The following ABHD16B variants were observed in gnomAD, a reference collection of about 807,000 sequenced individuals.
The protein encoded by ABHD16B is abhydrolase domain containing 16B.
A neutral mutation model predicts 10.5 loss-of-function variants in ABHD16B; 14 were observed. The ratio of observed to expected loss-of-function variants is 1.33; its 90% confidence interval spans 0.88 to 2.08. ABHD16B has a LOEUF of 2.08. Among genes scored for constraint, ABHD16B ranks in the 30% most tolerant of loss-of-function variants. The pLI, the probability that ABHD16B is intolerant of heterozygous loss-of-function variation, is 0.00. For synonymous variants in ABHD16B, 374 were observed against 337.9 expected (o/e 1.11, Z -1.17); for missense variants, 763 against 717.4 (o/e 1.06, Z -0.73).
In ABHD16B at chr20:63,861,680, A is replaced by G. The variant is rs1433867137; in HGVS notation, c.140A>G (p.His47Arg). ...CGCGCCGTGGGCCGGAGCAGCAGCC[A>G]CCGGGCGCTGACCTGCGCGGCAGCC... ...DVRAVGRSSSHRALTCAAAAA... is the reference protein window; with the variant it reads ...DVRAVGRSSSRRALTCAAAAA... Residue 47 changes from histidine (H) to arginine (R), a missense_variant, in exon 1 of 1, where the codon CAC becomes CGC. Physicochemically the swap from His to Arg is conservative, Grantham distance 29. Coordinates refer to ENST00000369916, the MANE Select transcript of ABHD16B (RefSeq NM_080622.4). This position sits in a 1 kb window ranked among gnomAD's most constrained non-coding sequence, Gnocchi z 5.4. 2.5e-5 allele frequency: 39 copies of G among 1,530,988 alleles called. No individual in the cohort carries two copies. The highest frequency in any genetic ancestry group is 3.2e-5 in the Non-Finnish European group (37 of 1,142,124). The allele number at this position is 1,530,988 out of a possible 1,614,324, so 94.8% of individuals were successfully genotyped here.
chr20:63,862,811 G>A lies in ABHD16B; in HGVS notation c.1271G>A (p.Trp424Ter). 1 of 1,535,070 alleles carries A rather than the reference G, an allele frequency of 6.5e-7. No homozygotes were observed. The change falls in exon 1 of 1, where the codon TGG becomes TAG. Residue 424 changes from tryptophan (W) to a stop codon, truncating the protein, a stop_gained. Transcript: ENST00000369916. LOFTEE classifies it high-confidence loss of function. This position sits in a 1 kb window ranked among gnomAD's most constrained non-coding sequence, Gnocchi z 7.5. Reference sequence around the variant, plus strand: ...GGGCCACACGGACCCGCCTTCCCATGGCTGGTGGGCCAGGGCCTGAGCTCG... The same window carrying A: ...GGGCCACACGGACCCGCCTTCCCATAGCTGGTGGGCCAGGGCCTGAGCTCG... ...ALGPHGPAFP[W>*]LVGQGLSSRR...
chr20:63,862,219 G>A lies in ABHD16B; in HGVS notation c.679G>A (p.Val227Ile), dbSNP rs2052094027. ...CGACGCCAACGCCATGGACGTGGTGGTCGAGTACGCACTGCACCGCCTGCA... is the reference window on the plus strand; with the variant it reads ...CGACGCCAACGCCATGGACGTGGTGATCGAGTACGCACTGCACCGCCTGCA... Reference protein sequence around the residue: ...QHDANAMDVVVEYALHRLHFP... With the variant: ...QHDANAMDVVIEYALHRLHFP... Residue 227 changes from valine to isoleucine, a missense_variant, in exon 1 of 1, where the codon GTC becomes ATC. Transcript: ENST00000369916. This position sits in a 1 kb window ranked among gnomAD's most constrained non-coding sequence, Gnocchi z 7.5. 1 of 1,611,376 alleles carries A rather than the reference G, an allele frequency of 6.2e-7. No individual in the cohort carries two copies. Among genetic ancestry groups the A allele is most frequent in the African/African-American group, 1.3e-5 (1 of 74,900 alleles).
chr20:63,861,805 C>T lies in ABHD16B; in HGVS notation c.265C>T (p.Gln89Ter). 6.9e-7 allele frequency: 1 copy of T among 1,454,834 alleles called. No individual in the cohort carries two copies. Among genetic ancestry groups the T allele is most frequent in the South Asian group, 1.3e-5 (1 of 76,998 alleles). 90.1% of individuals were successfully genotyped at this position (1,454,834 alleles called of 1,614,324 possible). The change falls in exon 1 of 1, where the codon CAG becomes TAG. Residue 89 changes from glutamine to a stop codon, truncating the protein, a stop_gained. Coordinates refer to ENST00000369916, the MANE Select transcript of ABHD16B (RefSeq NM_080622.4). LOFTEE classifies it high-confidence loss of function. This position sits in a 1 kb window ranked among gnomAD's most constrained non-coding sequence, Gnocchi z 5.4. ...CAGCCAGGCGCAGTGCCTCTTGCAGCAGCTCCGCGAGCTGCCCGGCCAGCT... is the reference window on the plus strand; with the variant it reads ...CAGCCAGGCGCAGTGCCTCTTGCAGTAGCTCCGCGAGCTGCCCGGCCAGCT... ...ARSQAQCLLQQLRELPGQLAS... is the reference protein window; with the variant it reads ...ARSQAQCLLQ
Position 63,862,165 on chromosome 20 carries a change from A to G in ABHD16B, c.625A>G (p.Ser209Gly), listed in dbSNP as rs2052093085. 3 of 1,611,414 alleles carry G rather than the reference A, an allele frequency of 1.9e-6. No individual in the cohort carries two copies. Among genetic ancestry groups the G allele is most frequent in the Non-Finnish European group, 2.5e-6 (3 of 1,179,648 alleles). The change falls in exon 1 of 1, where the codon AGC becomes GGC. Residue 209 changes from serine to glycine, a missense_variant. Physicochemically the swap from Ser to Gly is moderately conservative, Grantham distance 56 (BLOSUM62 0). Transcript: ENST00000369916. The surrounding 1 kb of genome is among the most constrained non-coding windows in gnomAD (Gnocchi z 7.5). Reference protein sequence around the residue: ...VLGWNHPGFGSSTGVPFPQHD... With the variant: ...VLGWNHPGFGGSTGVPFPQHD... Reference sequence around the variant, plus strand: ...GGGCTGGAACCACCCCGGCTTCGGCAGCAGCACTGGCGTGCCCTTCCCTCA... The same window carrying G: ...GGGCTGGAACCACCCCGGCTTCGGCGGCAGCACTGGCGTGCCCTTCCCTCA...
At position 63,862,737 on chromosome 20, in the gene ABHD16B, C is replaced by A. The variant is rs749464486; in HGVS notation, c.1197C>A (p.Arg399=). Residue 399 remains arginine (R), a synonymous_variant, in exon 1 of 1, where the codon CGC becomes CGA. Transcript: ENST00000369916. This position sits in a 1 kb window ranked among gnomAD's most constrained non-coding sequence, Gnocchi z 7.5. The part of the protein sequence containing the change: ...VDEDWCLALL[R]SYRARCEEEL... The stretch of plus-strand genomic sequence containing the variant: ...AGGACTGGTGCCTGGCGCTGCTGCG[C>A]TCCTACCGTGCACGCTGCGAAGAGG... The A allele has an allele frequency of 1.3e-6, 2 of 1,529,792 alleles. No individual in the cohort carries two copies. Among genetic ancestry groups the A allele is most frequent in the South Asian group, 2.4e-5 (2 of 83,298 alleles). 94.8% of individuals were successfully genotyped at this position (1,529,792 alleles called of 1,614,324 possible).
Sources: gnomAD v4.1 joint callset for allele counts on GRCh38, gnomAD v4.1.1 for gene constraint, Gnocchi (gnomAD v3.1) non-coding constraint, MANE v1.5 for transcripts, NCBI Gene and HGNC (gene_info 2026-07-23, HGNC 2026-07-21) for gene names.